PRPF38A: variants seen among roughly 807,000 people sequenced by gnomAD.
The protein encoded by PRPF38A is pre-mRNA processing factor 38A.
PRPF38A carries 11 observed loss-of-function variants against 46.8 expected under a neutral mutation model. That is an observed-to-expected ratio of 0.24 (90% CI 0.15 to 0.39). The LOEUF (loss-of-function observed/expected upper bound fraction) is 0.39, where lower values mean the gene tolerates loss of function less well. Ranked by LOEUF, PRPF38A falls within the 10% of genes least tolerant of loss-of-function variation. PRPF38A has a pLI of 1.00. For synonymous variants in PRPF38A, 124 were observed against 136.2 expected (o/e 0.91, Z 0.62); for missense variants, 261 against 407.5 (o/e 0.64, Z 3.10).
chr1:52,417,113 G>C lies in PRPF38A; in HGVS notation c.*423G>C, dbSNP rs530774322. ...TGCTGCTGTTATTCAAAGATCAAAG[G>C]AGTAAAACATAGTTGCTCCTAACTT... On this transcript the variant is annotated 3_prime_UTR_variant, in exon 10 of 10. Coordinates refer to ENST00000257181, the MANE Select transcript of PRPF38A (RefSeq NM_032864.4). The C allele has an allele frequency of 6.3e-6, 1 of 159,418 alleles. No individual in the cohort carries two copies. The highest frequency in any genetic ancestry group is 6.2e-5 in the Admixed American group (1 of 16,082). 9.9% of individuals were successfully genotyped at this position (159,418 alleles called of 1,614,324 possible).
intron 2 of PRPF38A, among the ~76,000 whole-genome samples, chr1:52,407,237 C>G (rs894756680): frequency 6.6e-6 from 1 of 152,132 alleles, no homozygotes; most frequent in Non-Finnish European, 1.5e-5. Flanking sequence ...CAGGATGGTC[C>G]CGATCTCCTG....
chr1:52,412,721 C>T (rs1648180646), intron 5 of PRPF38A, 97 bp downstream of exon 5: 20 of 760,598 alleles, frequency 2.6e-5, no homozygotes, highest in South Asian at 1.4e-4. Flanking sequence ...CTCTATTGGC[C>T]GGGCGTGGTC....
At chr1:52,414,037 T>G (rs759670864) in intron 6 of PRPF38A, 46 bp downstream of exon 6, 17 of 1,316,898 alleles carry the variant, frequency 1.3e-5, no homozygotes, top group Non-Finnish European at 1.7e-5. Flanking sequence ...TTGAGCACTG[T>G]AGCCTAGAAG....
chr1:52,410,624 C>T (rs1272058543), intron 3 of PRPF38A, among the ~76,000 whole-genome samples: 1 of 151,766 alleles, frequency 6.6e-6, no homozygotes, highest in African/African-American at 2.4e-5. Flanking sequence ...GCCTCAGCCT[C>T]TTGAGTAGCT....
chr1:52,408,058 G>GAAAT (rs977904411), intron 2 of PRPF38A, among the ~76,000 whole-genome samples: 44 of 147,410 alleles, frequency 3.0e-4, no homozygotes, highest in African/African-American at 9.6e-4. Context: ...TCTGTCTCAA[G>GAAAT]AAATAAATAA....
chr1:52,407,157 A>G (rs186029823), intron 2 of PRPF38A, among the ~76,000 whole-genome samples: 1 of 151,602 alleles, frequency 6.6e-6, no homozygotes, highest in East Asian at 1.9e-4. Flanking sequence ...AGCTGGGACT[A>G]CAGGCGCCCA....
In PRPF38A at chr1:52,404,604, A is replaced by G. The variant is rs1163053087; in HGVS notation, c.-146A>G. Reference sequence around the variant, plus strand: ...GACGCGGGGAGCGGAAGCCCTTTACACTACGGTGTTTCCGGCTTCAAGATG... The same window carrying G: ...GACGCGGGGAGCGGAAGCCCTTTACGCTACGGTGTTTCCGGCTTCAAGATG... On this transcript the variant is annotated 5_prime_UTR_variant, in exon 1 of 10. Coordinates refer to ENST00000257181, the MANE Select transcript of PRPF38A (RefSeq NM_032864.4). 1.0e-5 allele frequency: 8 copies of G among 803,254 alleles called. No homozygotes were observed. Among genetic ancestry groups the G allele is most frequent in the Non-Finnish European group, 9.6e-6 (5 of 518,650 alleles). The allele number at this position is 803,254 out of a possible 1,614,324, so 49.8% of individuals were successfully genotyped here. A position where few individuals can be genotyped will look rare whatever the true frequency, so the allele number is the denominator to read the frequency against.
rs951498300 is a variant in PRPF38A, at chr1:52,419,658, C to T, written c.*2968C>T. Reference sequence around the variant, plus strand: ...ATTGGTGGAGTTTAAAGGCCTTATACTAGAAACCACAAAACATAAAACAGC... The same window carrying T: ...ATTGGTGGAGTTTAAAGGCCTTATATTAGAAACCACAAAACATAAAACAGC... On this transcript the variant is annotated 3_prime_UTR_variant, in exon 10 of 10. Coordinates refer to ENST00000257181, the MANE Select transcript of PRPF38A (RefSeq NM_032864.4). 6.6e-6 allele frequency: 1 copy of T among 151,194 alleles called. No individual in the cohort carries two copies. The highest frequency in any genetic ancestry group is 2.4e-5 in the African/African-American group (1 of 41,152). 9.4% of individuals were successfully genotyped at this position (151,194 alleles called of 1,614,324 possible).
intron 2 of PRPF38A, 68 bp from the exon 3 acceptor site, chr1:52,408,501 G>C (rs550109035): frequency 6.2e-7 from 1 of 1,604,670 alleles, no homozygotes; most frequent in Admixed American, 1.7e-5. Flanking sequence ...ACTGTCATGA[G>C]AACAGCTAGT....
In PRPF38A at chr1:52,415,352, C is replaced by CA; in HGVS notation, c.863dup (p.His288GlnfsTer14). On this transcript the variant is annotated frameshift_variant, in exon 9 of 10. Coordinates refer to ENST00000257181, the MANE Select transcript of PRPF38A (RefSeq NM_032864.4). LOFTEE classifies it high-confidence loss of function. ...TTCTTCCCCAGGTCATCACCGTAGT[C>CA]ACAGACACAGGAGCCACTCAAAGTC... The CA allele has an allele frequency of 6.2e-7, 1 of 1,613,928 alleles. No homozygotes were observed. Among genetic ancestry groups the CA allele is most frequent in the Non-Finnish European group, 8.5e-7 (1 of 1,179,866 alleles).
At chr1:52,415,235 C>T in intron 8 of PRPF38A, 103 bp from the exon 9 acceptor site, 2 of 1,205,188 alleles carry the variant, frequency 1.7e-6, no homozygotes, top group Non-Finnish European at 2.4e-6. Context: ...CCTGCATAGG[C>T]CAAAAGAATA....
intron 3 of PRPF38A, 118 bp from the exon 4 acceptor site, chr1:52,410,997 T>A: frequency 3.0e-6 from 2 of 657,408 alleles, no homozygotes; most frequent in Non-Finnish European, 5.3e-6. Context: ...TCCCTTAATC[T>A]CTTCTAAAGA....
At position 52,413,978 on chromosome 1, in the gene PRPF38A, C is replaced by G; in HGVS notation, c.709C>G (p.Arg237Gly). 1 of 1,611,528 alleles carries G rather than the reference C, an allele frequency of 6.2e-7. No individual in the cohort carries two copies. The highest frequency in any genetic ancestry group is 1.1e-5 in the South Asian group (1 of 91,000). Residue 237 changes from arginine to glycine, a missense_variant, in exon 6 of 10, where the codon CGG becomes GGG. Arg to Gly is a moderately radical substitution (Grantham distance 125, BLOSUM62 -2). This residue lies in a region of PRPF38A where 180 missense variants were observed against 221.0 expected (regional missense o/e 0.81). Coordinates refer to ENST00000257181, the MANE Select transcript of PRPF38A (RefSeq NM_032864.4). ...PTLRYRRSRS[R>G]SPRRRSRSPK... ...ACTGCGCTACAGGAGGAGTAGGAGC[C>G]GGTCTCCCAGAAGGTAAAGCCTAGT... is the stretch of plus-strand genomic sequence containing the variant.
At chr1:52,410,119 TATAATTTATATATAAC>T (rs201643154) in intron 3 of PRPF38A, among the ~76,000 whole-genome samples, 12,833 of 147,376 alleles carry the variant, frequency 0.087, 713 homozygotes, top group East Asian at 0.2. Context: ...CATAATCATA[TATAATTTATATATAAC>T]ATAATTTATA....
At position 52,415,697 on chromosome 1, in the gene PRPF38A, G is replaced by A. The variant is rs573670132; in HGVS notation, c.896+311G>A. 9.2e-5 allele frequency among the ~76,000 whole-genome samples: 14 copies of A among 152,066 alleles called. No individual in the cohort carries two copies. In the East Asian group the frequency reaches 2.7e-3, roughly 29 times the overall value. On this transcript the variant is annotated intron_variant, in intron 9 of 9. Coordinates refer to ENST00000257181, the MANE Select transcript of PRPF38A (RefSeq NM_032864.4). ...AGGATTGCAGCTTTGGACAATGGAT[G>A]AGCTTTGGTCTCAGAAAACATGGGG...
intron 2 of PRPF38A, 78 bp downstream of exon 2, chr1:52,405,917 T>A: frequency 8.5e-7 from 1 of 1,174,066 alleles, no homozygotes; most frequent in Non-Finnish European, 1.3e-6. Context: ...AAGAGGGGTG[T>A]ACACAATGTA....
In PRPF38A at chr1:52,413,979, G is replaced by A. The variant is rs1250555888; in HGVS notation, c.710G>A (p.Arg237Gln). 25 of 1,611,214 alleles carry A rather than the reference G, an allele frequency of 1.6e-5. No homozygotes were observed. Among genetic ancestry groups the A allele is most frequent in the South Asian group, 6.6e-5 (6 of 90,992 alleles). ...CTGCGCTACAGGAGGAGTAGGAGCC[G>A]GTCTCCCAGAAGGTAAAGCCTAGTC... ...PTLRYRRSRS[R>Q]SPRRRSRSPK... Residue 237 changes from arginine (R) to glutamine (Q), a missense_variant, in exon 6 of 10, where the codon CGG becomes CAG. Around this residue, in one of 2 missense-constraint regions of PRPF38A, gnomAD observed 180 missense variants for 221.0 expected, o/e 0.81. Coordinates refer to ENST00000257181, the MANE Select transcript of PRPF38A (RefSeq NM_032864.4).
intron 6 of PRPF38A, 108 bp downstream of exon 6, chr1:52,414,099 TA>T (rs1175393444): frequency 8.8e-6 from 6 of 678,248 alleles, no homozygotes; most frequent in Middle Eastern, 4.9e-4. Flanking sequence ...GTTTGCCCAA[TA>T]TATTAGTTAT....
rs1648361038 is a variant in PRPF38A at position 52,418,719 on chromosome 1, C to T, written c.*2029C>T. ...TTACACAGGAGATGGAGCTTGAGGACAAACCTTGCTGTAAGGCTCTTTCTG... is the reference window on the plus strand; with the variant it reads ...TTACACAGGAGATGGAGCTTGAGGATAAACCTTGCTGTAAGGCTCTTTCTG... On this transcript the variant is annotated 3_prime_UTR_variant, in exon 10 of 10. Coordinates refer to ENST00000257181, the MANE Select transcript of PRPF38A (RefSeq NM_032864.4). The T allele has an allele frequency of 6.6e-6, 1 of 152,194 alleles. No homozygotes were observed. Among genetic ancestry groups the T allele is most frequent in the South Asian group, 2.1e-4 (1 of 4,826 alleles). 9.4% of individuals were successfully genotyped at this position (152,194 alleles called of 1,614,324 possible).
Sources: gnomAD v4.1 joint callset for allele counts (sites outside exome capture counted in the v4.1 genomes callset) on GRCh38, gnomAD v4.1.1 for gene constraint, gnomAD v4.1.1 regional missense constraint, MANE v1.5 for transcripts, NCBI Gene and HGNC (gene_info 2026-07-23, HGNC 2026-07-21) for gene names.